Variants in TAS2R1 observed in about 807,000 individuals in gnomAD.
The protein encoded by TAS2R1 is taste receptor type 2 member 1.
For missense variants in TAS2R1, 370 were observed against 353.4 expected, an observed-to-expected ratio of 1.05 and a Z score of -0.38; for synonymous variants, 141 against 134.2, an observed-to-expected ratio of 1.05 and a Z score of -0.35.
At chr5:9,878,733 T>G in the TAS2R1 span, among the ~76,000 whole-genome samples, 1 of 152,162 alleles carries the variant, frequency 6.6e-6, no homozygotes, top group South Asian at 2.1e-4. Flanking sequence ...GCTTTCAGAA[T>G]CTAGAGGCAT....
the TAS2R1 span, among the ~76,000 whole-genome samples, chr5:9,732,232 G>T: frequency 6.6e-6 from 1 of 152,196 alleles, no homozygotes; most frequent in South Asian, 2.1e-4. Flanking sequence ...AAGCAAGGAC[G>T]AGGGCAGCCT....
chr5:9,758,006 T>A, the TAS2R1 span, among the ~76,000 whole-genome samples: 1 of 152,126 alleles, frequency 6.6e-6, no homozygotes, highest in African/African-American at 2.4e-5. Flanking sequence ...TTGTTCCCAT[T>A]TGCCAAATAT....
chr5:9,793,525 G>A, the TAS2R1 span, among the ~76,000 whole-genome samples: 2 of 152,180 alleles, frequency 1.3e-5, no homozygotes, highest in African/African-American at 4.8e-5. Flanking sequence ...TCATAAGATA[G>A]GAGGCCTTGG....
At chr5:9,857,673 A>T in the TAS2R1 span, among the ~76,000 whole-genome samples, 1 of 152,084 alleles carries the variant, frequency 6.6e-6, no homozygotes, top group Non-Finnish European at 1.5e-5. Flanking sequence ...AGCTACTAGA[A>T]GATTATTGTG....
At chr5:9,901,141 TCTCCA>T in the TAS2R1 span, among the ~76,000 whole-genome samples, 1 of 152,052 alleles carries the variant, frequency 6.6e-6, no homozygotes, top group South Asian at 2.1e-4. Flanking sequence ...GGTAGGCATC[TCTCCA>T]GGAGCTTTGA....
At chr5:9,839,169 T>C in the TAS2R1 span, among the ~76,000 whole-genome samples, 2 of 152,138 alleles carry the variant, frequency 1.3e-5, no homozygotes, top group African/African-American at 2.4e-5. Flanking sequence ...AGGCAGATTC[T>C]CAAGAGCTTA....
the TAS2R1 span, among the ~76,000 whole-genome samples, chr5:9,804,616 G>C: frequency 6.6e-6 from 1 of 152,062 alleles, no homozygotes; most frequent in Non-Finnish European, 1.5e-5. Flanking sequence ...CAAATACATG[G>C]AAATTAAACA....
chr5:9,751,124 T>A, the TAS2R1 span, among the ~76,000 whole-genome samples: 1 of 150,980 alleles, frequency 6.6e-6, no homozygotes, highest in Non-Finnish European at 1.5e-5. Flanking sequence ...CTAAGGCAAC[T>A]AGATCAAAGG....
chr5:9,638,366 T>C lies in TAS2R1; in HGVS notation c.-80-8374A>G, dbSNP rs193076497. ...AAGTAGACTCTGTGAGAGCCCTTGA[T>C]TGTAGATAGGTTTAGTTTTCTGGCT... On this transcript the variant is annotated intron_variant, in intron 2 of 2. Transcript: ENST00000506620. 7.6e-3 allele frequency among the ~76,000 whole-genome samples: 1,150 copies of C among 152,230 alleles called. 17 individuals are homozygous for C. Among genetic ancestry groups the C allele is most frequent in the African/African-American group, 0.027 (1,106 of 41,544 alleles).
chr5:9,714,610 T>C (rs1396441477), upstream of TAS2R1, among the ~76,000 whole-genome samples: 1 of 152,210 alleles, frequency 6.6e-6, no homozygotes, highest in Non-Finnish European at 1.5e-5. Context: ...TAAATTAAAC[T>C]ATCTGGAATA....
the TAS2R1 span, among the ~76,000 whole-genome samples, chr5:9,732,787 A>G: frequency 8.5e-5 from 13 of 152,362 alleles, no homozygotes; most frequent in East Asian, 2.5e-3. Context: ...GGATATGTAT[A>G]TAAAGAGATT....
intron 1 of TAS2R1, among the ~76,000 whole-genome samples, chr5:9,691,230 G>A (rs766123976): frequency 4.6e-5 from 7 of 152,190 alleles, no homozygotes; most frequent in Non-Finnish European, 8.8e-5. Flanking sequence ...AGAACACAAG[G>A]CCCTGTGAAG....
the TAS2R1 span, among the ~76,000 whole-genome samples, chr5:9,859,888 A>C: frequency 6.6e-6 from 1 of 152,230 alleles, no homozygotes; most frequent in Non-Finnish European, 1.5e-5. Flanking sequence ...TGAAAAAGTA[A>C]GTGAATAAAA....
chr5:9,743,044 GAT>G, the TAS2R1 span, among the ~76,000 whole-genome samples: 2 of 151,126 alleles, frequency 1.3e-5, no homozygotes, highest in Non-Finnish European at 2.9e-5. Context: ...TGAATTTGCT[GAT>G]TCATGGAAAG....
chr5:9,787,323 A>T, the TAS2R1 span, among the ~76,000 whole-genome samples: 1 of 152,228 alleles, frequency 6.6e-6, no homozygotes, highest in African/African-American at 2.4e-5. Flanking sequence ...AAAAGAAAAC[A>T]TCATGAAAAA....
At chr5:9,780,479 T>C in the TAS2R1 span, among the ~76,000 whole-genome samples, 1 of 152,252 alleles carries the variant, frequency 6.6e-6, no homozygotes, top group Non-Finnish European at 1.5e-5. Flanking sequence ...TTGCTAATTC[T>C]ATAAGTGTCC....
the TAS2R1 span, among the ~76,000 whole-genome samples, chr5:9,860,976 T>G: frequency 2.0e-5 from 3 of 148,018 alleles, no homozygotes; most frequent in African/African-American, 2.5e-5. Flanking sequence ...CCTTTTTTTT[T>G]TGCTCACTCC....
upstream of TAS2R1, among the ~76,000 whole-genome samples, chr5:9,714,438 G>A (rs73037665): frequency 0.013 from 1,916 of 152,240 alleles, 41 homozygotes; most frequent in African/African-American, 0.044. Context: ...AGCACAGAAC[G>A]CAGGCTTTGT....
the TAS2R1 span, among the ~76,000 whole-genome samples, chr5:9,802,190 C>T: frequency 6.6e-6 from 1 of 152,210 alleles, no homozygotes; most frequent in African/African-American, 2.4e-5. Flanking sequence ...TCCCCTGCTA[C>T]CTTCATGGGA....
Sources: allele counts gnomAD v4.1 joint callset (sites outside exome capture counted in the v4.1 genomes callset), GRCh38; gene constraint gnomAD v4.1.1; transcripts MANE v1.5; gene names NCBI Gene and HGNC (gene_info 2026-07-23, HGNC 2026-07-21).